Variants in ST8SIA1 observed in about 807,000 individuals in gnomAD.
ST8SIA1 encodes ST8 alpha-N-acetyl-neuraminide alpha-2,8-sialyltransferase 1, also known as alpha-N-acetylneuraminide alpha-2,8-sialyltransferase.
Under a neutral mutation model 35.9 loss-of-function variants are expected in ST8SIA1, and 16 were observed. That is an observed-to-expected ratio of 0.45 (90% confidence interval 0.30 to 0.68). ST8SIA1 has a LOEUF of 0.68. Ranked by LOEUF, ST8SIA1 falls within the 30% of genes least tolerant of loss-of-function variation. The pLI, the probability that ST8SIA1 is intolerant of heterozygous loss-of-function variation, is 0.09. For synonymous variants in ST8SIA1, 170 were observed against 169.6 expected (o/e 1.00, Z -0.02); for missense variants, 383 against 453.6 (o/e 0.84, Z 1.41).
At chr12:22,297,868 T>C (rs1407251419) in intron 1 of ST8SIA1, among the ~76,000 whole-genome samples, 1 of 152,088 alleles carries the variant, frequency 6.6e-6, no homozygotes, top group East Asian at 1.9e-4. Flanking sequence ...GACCCCTAGG[T>C]AGATTCAGGA....
chr12:22,253,902 A>G (rs1865700433), intron 3 of ST8SIA1, among the ~76,000 whole-genome samples: 1 of 152,134 alleles, frequency 6.6e-6, no homozygotes, highest in Admixed American at 6.5e-5. Flanking sequence ...CCACAAGTAC[A>G]TGGCTTCTCT....
chr12:22,227,077 C>T (rs1236948852), intron 4 of ST8SIA1, among the ~76,000 whole-genome samples: 1 of 151,930 alleles, frequency 6.6e-6, no homozygotes, highest in Non-Finnish European at 1.5e-5. Flanking sequence ...TCCCAAGTAG[C>T]TGGGATTACA....
At chr12:22,270,623 G>C (rs1865901744) in intron 2 of ST8SIA1, among the ~76,000 whole-genome samples, 2 of 152,094 alleles carry the variant, frequency 1.3e-5, no homozygotes, top group African/African-American at 4.8e-5. Flanking sequence ...TGAACCTAGA[G>C]TGTGGAATGA....
intron 4 of ST8SIA1, among the ~76,000 whole-genome samples, chr12:22,245,000 G>C (rs34476732): frequency 0.027 from 4,147 of 152,072 alleles, 92 homozygotes; most frequent in East Asian, 0.1. Flanking sequence ...CTGCTCAGTT[G>C]GTTTATCCTT....
chr12:22,253,078 T>C (rs1277915439), intron 3 of ST8SIA1, among the ~76,000 whole-genome samples: 1 of 152,180 alleles, frequency 6.6e-6, no homozygotes, highest in African/African-American at 2.4e-5. Flanking sequence ...ACGGTATTCA[T>C]ACAGTCATAG....
chr12:22,236,606 C>T (rs138145432), intron 4 of ST8SIA1, among the ~76,000 whole-genome samples: 112 of 152,312 alleles, frequency 7.4e-4, no homozygotes, highest in African/African-American at 2.6e-3. Flanking sequence ...AAAGATTCTC[C>T]ACCTCGTACC....
intron 4 of ST8SIA1, among the ~76,000 whole-genome samples, chr12:22,234,152 C>G (rs917746651): frequency 6.6e-6 from 1 of 151,124 alleles, no homozygotes; most frequent in Non-Finnish European, 1.5e-5. Context: ...TCCAGCTACT[C>G]GGGAGGCTGA....
At chr12:22,305,052 A>G (rs886553244) in intron 1 of ST8SIA1, among the ~76,000 whole-genome samples, 10 of 152,210 alleles carry the variant, frequency 6.6e-5, no homozygotes, top group Non-Finnish European at 1.5e-4. Context: ...ACAGATTATC[A>G]AGAGTTTGCA....
intron 2 of ST8SIA1, among the ~76,000 whole-genome samples, chr12:22,277,121 A>G (rs1268495704): frequency 1.3e-5 from 2 of 152,166 alleles, no homozygotes; most frequent in Admixed American, 6.5e-5. Context: ...CTTAGAGGGT[A>G]GAATTTCCTT....
rs1865032338 is a variant in ST8SIA1, at chr12:22,200,004, GT to G, written c.*1547del. On this transcript the variant is annotated 3_prime_UTR_variant, in exon 5 of 5. Transcript: ENST00000396037. Reference sequence around the variant, plus strand: ...TGGCTGCTTGTAATCTGTCAGTAGAGTTTTCTTACTGTGTATCAAAGCTGTT... The same window carrying G: ...TGGCTGCTTGTAATCTGTCAGTAGAGTTTCTTACTGTGTATCAAAGCTGTT... The G allele has an allele frequency of 6.6e-6, 1 of 152,214 alleles. No homozygotes were observed. Among genetic ancestry groups the G allele is most frequent in the Non-Finnish European group, 1.5e-5 (1 of 68,038 alleles). 9.4% of individuals were successfully genotyped at this position (152,214 alleles called of 1,614,324 possible).
intron 4 of ST8SIA1, among the ~76,000 whole-genome samples, chr12:22,220,354 T>A (rs1416836813): frequency 6.6e-6 from 1 of 152,186 alleles, no homozygotes; most frequent in African/African-American, 2.4e-5. Context: ...CAAAGGAGTA[T>A]GTTTGGCAGA....
At chr12:22,306,631 G>A (rs947965900) in intron 1 of ST8SIA1, among the ~76,000 whole-genome samples, 1 of 152,076 alleles carries the variant, frequency 6.6e-6, no homozygotes, top group Non-Finnish European at 1.5e-5. Flanking sequence ...TTCTTTAAAT[G>A]TTTGTAAGAT....
chr12:22,270,483 T>C (rs191352161), intron 2 of ST8SIA1, among the ~76,000 whole-genome samples: 36 of 152,338 alleles, frequency 2.4e-4, no homozygotes, highest in Admixed American at 7.8e-4. Context: ...TGTCACATTT[T>C]GCGGAATTGA....
chr12:22,316,218 G>C (rs1441987988), intron 1 of ST8SIA1, among the ~76,000 whole-genome samples: 1 of 152,060 alleles, frequency 6.6e-6, no homozygotes, highest in East Asian at 1.9e-4. Context: ...CAATAGCACA[G>C]AAAATTCTGA....
In ST8SIA1 at chr12:22,264,380, G is replaced by C. The variant is rs1044972570; in HGVS notation, c.382-8991C>G. Among the ~76,000 whole-genome samples, 3 of 152,110 alleles carry C rather than the reference G, an allele frequency of 2.0e-5. No individual in the cohort carries two copies. The East Asian group carries it at 5.8e-4, about 29-fold the overall frequency. On this transcript the variant is annotated intron_variant, in intron 2 of 4. Transcript: ENST00000396037. ...CCAGTCACTTTATTACTTCAGTTAA[G>C]GACTGGCAAATTCCCACAAGCGAAT...
rs140411109 is a variant in ST8SIA1, at chr12:22,243,672, A to G, written c.584+5334T>C. ...TGATGGCTTAAAACATTGTATTCCA[A>G]TTTGAGCACAGAGCTTCACAACACT... On this transcript the variant is annotated intron_variant, in intron 4 of 4. Transcript: ENST00000396037. Among the ~76,000 whole-genome samples, 16 of 152,358 alleles carry G rather than the reference A, an allele frequency of 1.1e-4. No homozygotes were observed. In the East Asian group the frequency reaches 2.7e-3, roughly 26 times the overall value.
At chr12:22,302,306 C>T (rs1379239865) in intron 1 of ST8SIA1, among the ~76,000 whole-genome samples, 2 of 152,040 alleles carry the variant, frequency 1.3e-5, no homozygotes, top group East Asian at 3.8e-4. Context: ...TCTTAAAGCC[C>T]TGCTAACTGA....
intron 4 of ST8SIA1, among the ~76,000 whole-genome samples, chr12:22,227,326 G>C (rs1865370868): frequency 6.6e-6 from 1 of 151,970 alleles, no homozygotes; most frequent in Non-Finnish European, 1.5e-5. Flanking sequence ...TGTAATCCCA[G>C]CACTATTGGA....
rs1179703789 is a variant in ST8SIA1, at chr12:22,197,730, T to C, written c.*3822A>G. ...CAGATTGCTTCAGGTACAAGTTATA[T>C]ATAGCCTAAACAATTTTTTTTAGCC... On this transcript the variant is annotated 3_prime_UTR_variant, in exon 5 of 5. Transcript: ENST00000396037. The C allele has an allele frequency of 6.6e-6, 1 of 152,160 alleles. No individual in the cohort carries two copies. The highest frequency in any genetic ancestry group is 1.5e-5 in the Non-Finnish European group (1 of 68,026). The allele number at this position is 152,160 out of a possible 1,614,324, so 9.4% of individuals were successfully genotyped here.
Sources: allele counts gnomAD v4.1 joint callset (sites outside exome capture counted in the v4.1 genomes callset), GRCh38; gene constraint gnomAD v4.1.1; transcripts MANE v1.5; gene names NCBI Gene and HGNC (gene_info 2026-07-23, HGNC 2026-07-21).